Variants in NTM observed in about 807,000 individuals in gnomAD.
The protein encoded by NTM is IgLON family member 2.
In NTM, 13 loss-of-function variants were observed where a neutral mutation model predicts 42.1. The observed-to-expected ratio is 0.31, with a 90% CI of 0.20 to 0.49. The LOEUF (loss-of-function observed/expected upper bound fraction) is 0.49, where lower values mean the gene tolerates loss of function less well. Ranked by LOEUF, NTM falls within the 20% of genes least tolerant of loss-of-function variation. The probability of loss-of-function intolerance (pLI) is 0.99; values close to 1 mark genes in which losing one functional copy is unlikely to be tolerated. For synonymous variants in NTM, 187 were observed against 179.2 expected (o/e 1.04, Z -0.35); for missense variants, 373 against 452.8 (o/e 0.82, Z 1.60).
chr11:132,165,715 G>A (rs914319622), intron 3 of NTM, among the ~76,000 whole-genome samples: 9 of 152,140 alleles, frequency 5.9e-5, no homozygotes, highest in African/African-American at 1.7e-4. Context: ...GAAGAAGCCC[G>A]ACTGTGGGGC....
At position 131,465,846 on chromosome 11, in the gene NTM, C is replaced by A. The variant is rs1457174977; in HGVS notation, c.82+94958C>A. Among the ~76,000 whole-genome samples the A allele has an allele frequency of 2.0e-5, 3 of 150,530 alleles. No homozygotes were observed. The East Asian group carries it at 5.8e-4, about 29-fold the overall frequency. ...CTTCATAGAAAAGGTCTGTGGTTGT[C>A]CCTTGGCTGTGCCCTGGAGCCGTGA... is the stretch of plus-strand genomic sequence containing the variant. On this transcript the variant is annotated intron_variant, in intron 1 of 8. Transcript: ENST00000683400.
chr11:132,180,315 T>C (rs1220015093), intron 3 of NTM, among the ~76,000 whole-genome samples: 5 of 152,276 alleles, frequency 3.3e-5, no homozygotes, highest in African/African-American at 1.2e-4. Flanking sequence ...CTGACAGTCA[T>C]GTTAAGTCTA....
chr11:132,237,934 G>GCTCTGAGC (rs1291419237), intron 4 of NTM, among the ~76,000 whole-genome samples: 6 of 152,078 alleles, frequency 3.9e-5, no homozygotes, highest in Admixed American at 6.6e-5. Flanking sequence ...CATAATATTA[G>GCTCTGAGC]CTCTGAGCCG....
chr11:131,499,378 A>G (rs899070268), intron 1 of NTM, among the ~76,000 whole-genome samples: 7 of 152,088 alleles, frequency 4.6e-5, no homozygotes, highest in African/African-American at 1.2e-4. Flanking sequence ...TGCAACAGGA[A>G]CAGTGCCTGC....
At chr11:131,415,139 T>A (rs1267450993) in intron 1 of NTM, among the ~76,000 whole-genome samples, 1 of 152,232 alleles carries the variant, frequency 6.6e-6, no homozygotes, top group Non-Finnish European at 1.5e-5. Flanking sequence ...GGGGTTGAGC[T>A]GTAATTGCAG....
intron 2 of NTM, among the ~76,000 whole-genome samples, chr11:131,928,284 T>A (rs1432025798): frequency 6.6e-6 from 1 of 152,226 alleles, no homozygotes; most frequent in African/African-American, 2.4e-5. Context: ...TTTTAATAAT[T>A]ACATTAAGAC....
intron 1 of NTM, among the ~76,000 whole-genome samples, chr11:131,617,374 G>C (rs2062046670): frequency 6.6e-6 from 1 of 152,130 alleles, no homozygotes; most frequent in Non-Finnish European, 1.5e-5. Context: ...TCTTAGTTTT[G>C]CTGAGTTCCC....
chr11:131,936,973 C>T (rs1432134981), intron 2 of NTM, among the ~76,000 whole-genome samples: 1 of 152,182 alleles, frequency 6.6e-6, no homozygotes, highest in Non-Finnish European at 1.5e-5. Flanking sequence ...GAGTCAAGCG[C>T]AGTTTTCTAT....
intron 2 of NTM, among the ~76,000 whole-genome samples, chr11:132,079,586 C>T (rs574126245): frequency 5.9e-5 from 9 of 152,114 alleles, no homozygotes; most frequent in Non-Finnish European, 2.9e-5. Context: ...CTTTATGTGT[C>T]AAAATCTCCT....
chr11:132,100,617 A>G (rs1233228473), intron 2 of NTM, among the ~76,000 whole-genome samples: 1 of 152,132 alleles, frequency 6.6e-6, no homozygotes, highest in Non-Finnish European at 1.5e-5. Flanking sequence ...ACTTACTCGA[A>G]TGGCCATATT....
chr11:131,544,084 C>T (rs2053619720), intron 1 of NTM, among the ~76,000 whole-genome samples: 2 of 152,226 alleles, frequency 1.3e-5, no homozygotes, highest in South Asian at 2.1e-4. Context: ...CTGGAAAAGA[C>T]CAAGATGCAT....
At chr11:131,853,642 A>G (rs2045813481) in intron 1 of NTM, among the ~76,000 whole-genome samples, 1 of 152,208 alleles carries the variant, frequency 6.6e-6, no homozygotes, top group Admixed American at 6.5e-5. Context: ...TCAGTCTATC[A>G]TTGATGGATA....
intron 1 of NTM, among the ~76,000 whole-genome samples, chr11:131,565,957 A>G (rs2137041971): frequency 6.6e-6 from 1 of 152,290 alleles, no homozygotes; most frequent in South Asian, 2.1e-4. Context: ...TCAGCCCCAA[A>G]CTAGAAAACA....
chr11:131,754,265 T>C (rs1394032524), intron 1 of NTM, among the ~76,000 whole-genome samples: 2 of 151,398 alleles, frequency 1.3e-5, no homozygotes, highest in Admixed American at 6.6e-5. Flanking sequence ...ACATGTACCC[T>C]AAAACTTAAA....
At chr11:131,703,961 G>T (rs951110874) in intron 1 of NTM, among the ~76,000 whole-genome samples, 3 of 152,054 alleles carry the variant, frequency 2.0e-5, no homozygotes, top group Non-Finnish European at 2.9e-5. Flanking sequence ...AGCCTCTAGG[G>T]TTGCATCCAC....
chr11:131,794,138 G>GGT (rs749971706), intron 1 of NTM, among the ~76,000 whole-genome samples: 20 of 152,144 alleles, frequency 1.3e-4, no homozygotes, highest in East Asian at 5.8e-4. Context: ...GGGCTTGGAG[G>GGT]GTGTGGAGTG....
chr11:131,984,327 G>A (rs1410192590), intron 2 of NTM, among the ~76,000 whole-genome samples: 3 of 152,196 alleles, frequency 2.0e-5, no homozygotes, highest in Non-Finnish European at 4.4e-5. Flanking sequence ...AAATGGGGTA[G>A]CAAGATGGGA....
chr11:132,211,779 C>G (rs778934993), intron 3 of NTM: 44 of 338,186 alleles, frequency 1.3e-4, no homozygotes, highest in Non-Finnish European at 2.1e-4. Context: ...AACAGCTATT[C>G]CAGTGTTGCA....
intron 1 of NTM, among the ~76,000 whole-genome samples, chr11:131,814,437 A>G (rs73579936): frequency 0.016 from 2,468 of 152,258 alleles, 74 homozygotes; most frequent in African/African-American, 0.057. Flanking sequence ...AATGGTTCTG[A>G]TCACACTCAA....
Sources: gnomAD v4.1 joint callset for allele counts (sites outside exome capture counted in the v4.1 genomes callset) on GRCh38, gnomAD v4.1.1 for gene constraint, MANE v1.5 for transcripts, NCBI Gene and HGNC (gene_info 2026-07-23, HGNC 2026-07-21) for gene names.